PILRA: variants seen among roughly 807,000 people sequenced by gnomAD.
The protein encoded by PILRA is paired immunoglobin like type 2 receptor alpha, also known as paired immunoglobulin-like type 2 receptor alpha.
In PILRA, 37 loss-of-function variants were observed where a neutral mutation model predicts 33.1. The ratio of observed to expected loss-of-function variants is 1.12; its 90% CI spans 0.86 to 1.47. PILRA has a LOEUF of 1.47. PILRA is among the 40% of genes most tolerant of loss of function. The pLI, the probability that PILRA is intolerant of heterozygous loss-of-function variation, is 0.00. For missense variants in PILRA, 312 were observed against 376.2 expected, an observed-to-expected ratio of 0.83 and a Z score of 1.41; for synonymous variants, 146 against 149.9, an observed-to-expected ratio of 0.97 and a Z score of 0.19.
intron 5 of PILRA, 117 bp from the exon 6 acceptor site, chr7:100,399,464 C>A: frequency 1.4e-6 from 2 of 1,405,170 alleles, no homozygotes; most frequent in African/African-American, 1.4e-5. Flanking sequence ...GCCCCTTGCC[C>A]TCACGTGACC....
At chr7:100,374,545 TTCTC>T in intron 2 of PILRA, 112 bp downstream of exon 2, 2 of 1,308,714 alleles carry the variant, frequency 1.5e-6, no homozygotes, top group Non-Finnish European at 2.2e-6. Flanking sequence ...GACCCCTAAG[TTCTC>T]TCTTTGGCCC....
Position 100,373,507 on chromosome 7 carries a change from TG to T in PILRA, c.-146del. ...TGGTCACCCTGGAGGTGCACTGGTT[TG>T]GGGAAGGCTCCTGGCCCCCACAGCC... is the stretch of plus-strand genomic sequence containing the variant. On this transcript the variant is annotated 5_prime_UTR_variant, in exon 1 of 7. Coordinates refer to ENST00000198536, the MANE Select transcript of PILRA (RefSeq NM_013439.3). 2.5e-6 allele frequency: 2 copies of T among 801,510 alleles called. No individual in the cohort carries two copies. Among genetic ancestry groups the T allele is most frequent in the Non-Finnish European group, 4.2e-6 (2 of 473,940 alleles). 49.6% of individuals were successfully genotyped at this position (801,510 alleles called of 1,614,324 possible). A position where few individuals can be genotyped will look rare whatever the true frequency, so the allele number is the denominator to read the frequency against.
At chr7:100,398,435 G>T (rs1270882486) in intron 4 of PILRA, among the ~76,000 whole-genome samples, 1 of 152,004 alleles carries the variant, frequency 6.6e-6, no homozygotes, top group Non-Finnish European at 1.5e-5. Flanking sequence ...CTTTTTCTGG[G>T]CTCTTCCTCT....
intron 2 of PILRA, among the ~76,000 whole-genome samples, chr7:100,380,180 C>T (rs1791056875): frequency 6.6e-6 from 1 of 152,196 alleles, no homozygotes; most frequent in Admixed American, 6.5e-5. Flanking sequence ...GTCTGGTCCT[C>T]ATACCGAATC....
chr7:100,373,873 C>T (rs922191831), intron 1 of PILRA, among the ~76,000 whole-genome samples, 153 bp downstream of exon 1: 1 of 152,146 alleles, frequency 6.6e-6, no homozygotes, highest in Non-Finnish European at 1.5e-5. Flanking sequence ...CATCCTCTCC[C>T]CCTCCTCCCT....
At chr7:100,393,615 A>T (rs1032466204) in intron 3 of PILRA, among the ~76,000 whole-genome samples, 1 of 152,182 alleles carries the variant, frequency 6.6e-6, no homozygotes, top group Admixed American at 6.5e-5. Flanking sequence ...TAAACAAGAC[A>T]GAGTTGGGTT....
At chr7:100,388,477 A>T (rs1016588498) in intron 2 of PILRA, among the ~76,000 whole-genome samples, 1 of 152,102 alleles carries the variant, frequency 6.6e-6, no homozygotes, top group Non-Finnish European at 1.5e-5. Context: ...TCACACCTAT[A>T]ATCCCAACAC....
Position 100,390,055 on chromosome 7 carries a change from G to A in PILRA, c.622G>A (p.Gly208Arg), listed in dbSNP as rs746532765. 10 of 1,613,970 alleles carry A rather than the reference G, an allele frequency of 6.2e-6. No homozygotes were observed. In the African/African-American group the frequency reaches 6.7e-5, roughly 11 times the overall value. ...VGVAVAVTVL[G>R]IMILGLICLL... The stretch of plus-strand genomic sequence containing the variant: ...GGTGGCAGTGGCTGTCACTGTGCTC[G>A]GAATCATGATTTTGGGACTGATCTG... The change falls in exon 3 of 7, where the codon GGA (glycine) becomes AGA (arginine). Residue 208 changes from glycine (G) to arginine (R), a missense_variant. Transcript: ENST00000198536.
At chr7:100,388,578 GA>G (rs549657334) in intron 2 of PILRA, among the ~76,000 whole-genome samples, 36 of 144,624 alleles carry the variant, frequency 2.5e-4, no homozygotes, top group East Asian at 8.0e-4. Flanking sequence ...ACTAAAAAAA[GA>G]AAAAAAAAAT....
At chr7:100,392,584 C>G (rs1791409583) in intron 3 of PILRA, among the ~76,000 whole-genome samples, 1 of 152,198 alleles carries the variant, frequency 6.6e-6, no homozygotes, top group African/African-American at 2.4e-5. Context: ...AACACTGGCT[C>G]TCATGGGAGC....
chr7:100,388,152 G>A (rs1584222665), intron 2 of PILRA, among the ~76,000 whole-genome samples: 1 of 151,860 alleles, frequency 6.6e-6, no homozygotes, highest in African/African-American at 2.4e-5. Flanking sequence ...TTTCCTTTAA[G>A]TAATTAAAAC....
chr7:100,380,148 G>T (rs1791055976), intron 2 of PILRA, among the ~76,000 whole-genome samples: 1 of 152,192 alleles, frequency 6.6e-6, no homozygotes, highest in African/African-American at 2.4e-5. Context: ...GCACCCCAGG[G>T]ATAACTGGCA....
chr7:100,383,630 C>CTT (rs753345687), intron 2 of PILRA, among the ~76,000 whole-genome samples: 31 of 143,444 alleles, frequency 2.2e-4, no homozygotes, highest in Non-Finnish European at 7.7e-5. Flanking sequence ...CTGACTCACA[C>CTT]TTTTTTTTTT....
At position 100,390,020 on chromosome 7, in the gene PILRA, C is replaced by T; in HGVS notation, c.587C>T (p.Thr196Ile). ...GACTCTTGGCACATAAGTCTGGAGACTGCTGTGGGGGTGGCAGTGGCTGTC... is the reference window on the plus strand; with the variant it reads ...GACTCTTGGCACATAAGTCTGGAGATTGCTGTGGGGGTGGCAGTGGCTGTC... ...RSDSWHISLETAVGVAVAVTV... is the reference protein window; with the variant it reads ...RSDSWHISLEIAVGVAVAVTV... The change falls in exon 3 of 7, where the codon ACT becomes ATT. Residue 196 changes from threonine to isoleucine, a missense_variant. Physicochemically the swap from Thr to Ile is moderately conservative, Grantham distance 89. Coordinates refer to ENST00000198536, the MANE Select transcript of PILRA (RefSeq NM_013439.3). The T allele has an allele frequency of 6.2e-7, 1 of 1,614,164 alleles. No individual in the cohort carries two copies. Among genetic ancestry groups the T allele is most frequent in the South Asian group, 1.1e-5 (1 of 91,084 alleles).
At chr7:100,380,266 T>C (rs1013424781) in intron 2 of PILRA, among the ~76,000 whole-genome samples, 1 of 151,996 alleles carries the variant, frequency 6.6e-6, no homozygotes, top group African/African-American at 2.4e-5. Flanking sequence ...TATGATTAAA[T>C]GAAACAAACT....
Position 100,376,902 on chromosome 7 carries a change from C to A in PILRA, c.454+2469C>A, listed in dbSNP as rs567484229. Among the ~76,000 whole-genome samples the A allele has an allele frequency of 5.9e-5, 9 of 151,266 alleles. No homozygotes were observed. In the East Asian group the frequency reaches 1.7e-3, roughly 29 times the overall value. ...TCAGCCTCCCAAATAGCTGGGACTA[C>A]AAGCACGCACCACCACACCTGGCTA... is the stretch of plus-strand genomic sequence containing the variant. On this transcript the variant is annotated intron_variant, in intron 2 of 6. Coordinates refer to ENST00000198536, the MANE Select transcript of PILRA (RefSeq NM_013439.3).
At chr7:100,385,675 G>A (rs1346463334) in intron 2 of PILRA, among the ~76,000 whole-genome samples, 1 of 151,898 alleles carries the variant, frequency 6.6e-6, no homozygotes, top group East Asian at 1.9e-4. Context: ...TGTTGCCCAG[G>A]CTGGAGTGCA....
intron 2 of PILRA, among the ~76,000 whole-genome samples, chr7:100,386,500 T>C (rs1791257358): frequency 6.7e-6 from 1 of 150,248 alleles, no homozygotes. Flanking sequence ...TGACACTATG[T>C]CAAAAAAAAA....
intron 4 of PILRA, 152 bp from the exon 5 acceptor site, chr7:100,399,139 A>G: frequency 1.7e-6 from 1 of 577,712 alleles, no homozygotes. Flanking sequence ...GGGTCTCGCT[A>G]TGTTGTCCAG....
Sources: gnomAD v4.1 joint callset for allele counts (sites outside exome capture counted in the v4.1 genomes callset) on GRCh38, gnomAD v4.1.1 for gene constraint, MANE v1.5 for transcripts, NCBI Gene and HGNC (gene_info 2026-07-23, HGNC 2026-07-21) for gene names.